BTD: variants seen among roughly 807,000 people sequenced by gnomAD.
BTD encodes the protein biocytinase.
Under a neutral mutation model 17.7 loss-of-function variants are expected in BTD, and 13 were observed. The ratio of observed to expected loss-of-function variants is 0.74; its 90% CI spans 0.48 to 1.17. BTD has a LOEUF of 1.17. Among genes scored for constraint, BTD ranks in the 50% most tolerant of loss-of-function variants. The pLI is 0.00. For synonymous variants in BTD, 240 were observed against 245.2 expected (o/e 0.98, Z 0.20); for missense variants, 674 against 650.4 (o/e 1.04, Z -0.39).
At chr3:15,612,018 T>C (rs561707123) in intron 1 of BTD, among the ~76,000 whole-genome samples, 17 of 152,240 alleles carry the variant, frequency 1.1e-4, no homozygotes, top group African/African-American at 3.4e-4. Context: ...GACATACTTA[T>C]TCATTCTGTC....
intron 3 of BTD, among the ~76,000 whole-genome samples, chr3:15,672,146 AT>A (rs869087310): frequency 0.079 from 10,791 of 136,396 alleles, 1,028 homozygotes; most frequent in African/African-American, 0.24. Flanking sequence ...TAAAAAAAGG[AT>A]TTTTTTTTTT....
chr3:15,658,884 A>T (rs2065896622), intron 3 of BTD, among the ~76,000 whole-genome samples: 1 of 152,210 alleles, frequency 6.6e-6, no homozygotes, highest in African/African-American at 2.4e-5. Flanking sequence ...GAGTCGATGA[A>T]AACTCAGGAA....
intron 1 of BTD, among the ~76,000 whole-genome samples, chr3:15,621,046 G>A (rs2064939085): frequency 6.6e-6 from 1 of 152,246 alleles, no homozygotes; most frequent in African/African-American, 2.4e-5. Flanking sequence ...AGGAGAGGAA[G>A]GGTATATCCC....
rs776094195 is a variant in BTD, at chr3:15,601,854, G to A, written c.-57G>A. 5.6e-6 allele frequency: 9 copies of A among 1,614,232 alleles called. No individual in the cohort carries two copies. The highest frequency in any genetic ancestry group is 7.6e-6 in the Non-Finnish European group (9 of 1,180,052). The stretch of plus-strand genomic sequence containing the variant: ...TTTTCGGGGCTGTAAAGGGAGAATG[G>A]CGCATGCGCATATTCAGGGCGGAAG... On this transcript the variant is annotated 5_prime_UTR_variant, in exon 1 of 4. Coordinates refer to ENST00000643237, the MANE Select transcript of BTD (RefSeq NM_001370658.1).
chr3:15,722,342 A>G (rs1559407381), downstream of BTD, among the ~76,000 whole-genome samples: 1 of 152,228 alleles, frequency 6.6e-6, no homozygotes, highest in Non-Finnish European at 1.5e-5. Context: ...TACTTCATTC[A>G]TACTGTCACA....
At chr3:15,713,680 A>C (rs762663137), downstream of BTD, 2 of 1,373,952 alleles carry the variant, frequency 1.5e-6, no homozygotes, top group Non-Finnish European at 2.0e-6. Context: ...TGGACCATAT[A>C]AAGATCAGGT....
At chr3:15,658,870 GAC>G (rs1169903676) in intron 3 of BTD, among the ~76,000 whole-genome samples, 2 of 152,088 alleles carry the variant, frequency 1.3e-5, no homozygotes, top group African/African-American at 4.8e-5. Flanking sequence ...ATTCACATTT[GAC>G]AGAGTCGATG....
chr3:15,708,052 G>C, intron 3 of BTD: 1 of 1,604,920 alleles, frequency 6.2e-7, no homozygotes. Flanking sequence ...CAGCAGCGTA[G>C]TGCAGTGGAG....
At chr3:15,656,639 T>C (rs1250665995), downstream of BTD, among the ~76,000 whole-genome samples, 2 of 152,210 alleles carry the variant, frequency 1.3e-5, no homozygotes, top group Non-Finnish European at 2.9e-5. Flanking sequence ...CATTTTTATA[T>C]CCAACATAGA....
chr3:15,627,785 G>A (rs1156687063), intron 1 of BTD, among the ~76,000 whole-genome samples: 8 of 152,144 alleles, frequency 5.3e-5, no homozygotes, highest in Admixed American at 2.6e-4. Context: ...GCAATGGCAC[G>A]ATCTCGGCTC....
At chr3:15,621,879 C>T (rs1180802636) in intron 1 of BTD, among the ~76,000 whole-genome samples, 2 of 152,188 alleles carry the variant, frequency 1.3e-5, no homozygotes, top group East Asian at 1.9e-4. Flanking sequence ...GGATTACAGG[C>T]GTGAGTCACT....
chr3:15,677,478 A>C, intron 3 of BTD: 1 of 1,604,538 alleles, frequency 6.2e-7, no homozygotes, highest in Non-Finnish European at 8.5e-7. Context: ...ATGTATACAT[A>C]CCTTGCTACA....
chr3:15,610,472 G>A (rs2064585499), intron 1 of BTD, among the ~76,000 whole-genome samples: 1 of 152,170 alleles, frequency 6.6e-6, no homozygotes, highest in African/African-American at 2.4e-5. Context: ...GGGAGAAATT[G>A]CTGGCCTTTT....
intron 1 of BTD, among the ~76,000 whole-genome samples, chr3:15,633,144 T>C (rs920928081): frequency 1.3e-5 from 2 of 152,228 alleles, no homozygotes; most frequent in African/African-American, 4.8e-5. Context: ...ATTGTTATAC[T>C]GTATTTTTTA....
intron 1 of BTD, among the ~76,000 whole-genome samples, chr3:15,607,945 C>T (rs973346465): frequency 3.9e-5 from 6 of 152,176 alleles, no homozygotes; most frequent in African/African-American, 1.2e-4. Context: ...CTTTGCTTCT[C>T]ATTAAATCTG....
chr3:15,635,872 C>T lies in BTD; in HGVS notation c.249+184C>T, dbSNP rs775600618. On this transcript the variant is annotated intron_variant, in intron 2 of 3. Transcript: ENST00000643237. The surrounding 1 kb of genome is among the most constrained non-coding windows in gnomAD (Gnocchi z 4.1). ...ACCCCTCAGAGAGTGGTCCGTGGACCGGCATCCCCTGGGAGCTTGTTAGAA... is the reference window on the plus strand; with the variant it reads ...ACCCCTCAGAGAGTGGTCCGTGGACTGGCATCCCCTGGGAGCTTGTTAGAA... Among the ~76,000 whole-genome samples, 9 of 152,132 alleles carry T rather than the reference C, an allele frequency of 5.9e-5. No individual in the cohort carries two copies. Among genetic ancestry groups the T allele is most frequent in the Admixed American group, 5.2e-4 (8 of 15,278 alleles).
chr3:15,708,328 C>A (rs985376923), intron 3 of BTD, among the ~76,000 whole-genome samples: 1 of 152,120 alleles, frequency 6.6e-6, no homozygotes, highest in African/African-American at 2.4e-5. Context: ...CAGTCCCAGT[C>A]CTTTGAGTGA....
At chr3:15,716,750 A>G (rs1272840999), downstream of BTD, among the ~76,000 whole-genome samples, 1 of 152,242 alleles carries the variant, frequency 6.6e-6, no homozygotes, top group Non-Finnish European at 1.5e-5. Flanking sequence ...TTTGGAAGAT[A>G]TAACTATAGT....
At chr3:15,707,113 G>A (rs1341140061) in intron 3 of BTD, among the ~76,000 whole-genome samples, 1 of 152,178 alleles carries the variant, frequency 6.6e-6, no homozygotes, top group Non-Finnish European at 1.5e-5. Flanking sequence ...TCTGTTATAT[G>A]AAGTACATTT....
Sources: gnomAD v4.1 joint callset for allele counts (sites outside exome capture counted in the v4.1 genomes callset) on GRCh38, gnomAD v4.1.1 for gene constraint, Gnocchi (gnomAD v3.1) non-coding constraint, MANE v1.5 for transcripts, NCBI Gene and HGNC (gene_info 2026-07-23, HGNC 2026-07-21) for gene names.